The following CNTN5 variants were observed in gnomAD, a reference collection of about 807,000 sequenced individuals.
CNTN5 encodes the protein contactin-5.
In CNTN5, 77 loss-of-function variants were observed where a neutral mutation model predicts 129.1. That is an observed-to-expected ratio of 0.60 (90% CI 0.50 to 0.72). The LOEUF (loss-of-function observed/expected upper bound fraction) is 0.72, where lower values mean the gene tolerates loss of function less well. CNTN5 is among the 30% of genes least tolerant of loss of function. The probability of loss-of-function intolerance (pLI) is 0.00; values close to 1 mark genes in which losing one functional copy is unlikely to be tolerated. For synonymous variants in CNTN5, 509 were observed against 465.6 expected (o/e 1.09, Z -1.20); for missense variants, 1,478 against 1,328.8 (o/e 1.11, Z -1.75).
intron 3 of CNTN5, among the ~76,000 whole-genome samples, chr11:99,752,536 T>A (rs1041199808): frequency 6.6e-5 from 10 of 152,204 alleles, no homozygotes; most frequent in Admixed American, 5.9e-4. Flanking sequence ...TAAGAAACCA[T>A]AAATGAAGTA....
At chr11:99,498,732 A>C (rs1418745109) in intron 2 of CNTN5, among the ~76,000 whole-genome samples, 1 of 152,170 alleles carries the variant, frequency 6.6e-6, no homozygotes, top group Non-Finnish European at 1.5e-5. Context: ...TTAGGGAAAA[A>C]TGATGCCTCA....
chr11:99,801,960 C>CA (rs1168189353), intron 3 of CNTN5, among the ~76,000 whole-genome samples: 1 of 152,106 alleles, frequency 6.6e-6, no homozygotes, highest in Non-Finnish European at 1.5e-5. Flanking sequence ...TTTATGGTGC[C>CA]AGAATTCTGG....
At chr11:99,784,985 G>A (rs1344989245) in intron 3 of CNTN5, among the ~76,000 whole-genome samples, 1 of 151,754 alleles carries the variant, frequency 6.6e-6, no homozygotes, top group African/African-American at 2.4e-5. Flanking sequence ...ATTTTTAGTA[G>A]AGACAGGGTT....
intron 1 of CNTN5, among the ~76,000 whole-genome samples, chr11:99,280,163 A>T (rs554599877): frequency 8.1e-4 from 123 of 151,882 alleles, no homozygotes; most frequent in Middle Eastern, 3.4e-3. Context: ...CTGAACACTG[A>T]CAATATAAAT....
At chr11:99,930,711 T>C (rs1591438867) in intron 7 of CNTN5, among the ~76,000 whole-genome samples, 2 of 152,172 alleles carry the variant, frequency 1.3e-5, no homozygotes, top group African/African-American at 4.8e-5. Context: ...TTGATTGACT[T>C]AACTAAATTG....
chr11:99,865,282 C>T (rs899095565), intron 6 of CNTN5, among the ~76,000 whole-genome samples: 12 of 151,870 alleles, frequency 7.9e-5, no homozygotes, highest in South Asian at 4.1e-4. Context: ...AAGTTTGGGA[C>T]GAGATCTTTG....
At chr11:99,386,404 C>T (rs117308369) in intron 2 of CNTN5, among the ~76,000 whole-genome samples, 5,723 of 152,284 alleles carry the variant, frequency 0.038, 143 homozygotes, top group Non-Finnish European at 0.06. Flanking sequence ...ATATGCTAAA[C>T]AAGGAGTGGA....
intron 2 of CNTN5, among the ~76,000 whole-genome samples, chr11:99,484,773 A>G (rs1351967012): frequency 6.6e-6 from 1 of 152,196 alleles, no homozygotes; most frequent in Non-Finnish European, 1.5e-5. Context: ...TGAAGAAATA[A>G]GCCTGGAACA....
At chr11:100,150,870 G>T (rs1480578390) in intron 13 of CNTN5, among the ~76,000 whole-genome samples, 1 of 152,084 alleles carries the variant, frequency 6.6e-6, no homozygotes, top group Non-Finnish European at 1.5e-5. Context: ...TGGAAGCAGG[G>T]TCTTTGGGAG....
intron 23 of CNTN5, among the ~76,000 whole-genome samples, chr11:100,348,735 T>C (rs1952340008): frequency 6.6e-6 from 1 of 152,028 alleles, no homozygotes; most frequent in African/African-American, 2.4e-5. Context: ...TTTGTCACAT[T>C]TTAAGACAAA....
chr11:99,788,420 A>G lies in CNTN5; in HGVS notation c.56-31124A>G, dbSNP rs536154795. On this transcript the variant is annotated intron_variant, in intron 3 of 24. Coordinates refer to ENST00000524871, the MANE Select transcript of CNTN5 (RefSeq NM_014361.4). ...TCAAAGACAGGACTTATTTCGGTAT[A>G]TAAATTTTTGTATACCTATAGAAAC... Among the ~76,000 whole-genome samples, 9 of 152,114 alleles carry G rather than the reference A, an allele frequency of 5.9e-5. No homozygotes were observed. In the East Asian group the frequency reaches 1.2e-3, roughly 20 times the overall value.
At chr11:100,129,921 TG>T (rs908330288) in intron 13 of CNTN5, among the ~76,000 whole-genome samples, 11 of 151,926 alleles carry the variant, frequency 7.2e-5, no homozygotes, top group Admixed American at 6.6e-4. Context: ...TCATTAGTCG[TG>T]GTAAAAAAAA....
At chr11:99,336,445 C>G (rs565741672) in intron 2 of CNTN5, among the ~76,000 whole-genome samples, 16 of 152,032 alleles carry the variant, frequency 1.1e-4, no homozygotes, top group South Asian at 6.2e-4. Flanking sequence ...GTGTAATTCA[C>G]AGTAATAGTA....
intron 7 of CNTN5, among the ~76,000 whole-genome samples, chr11:99,951,851 A>T (rs1950684933): frequency 6.6e-6 from 1 of 152,208 alleles, no homozygotes; most frequent in African/African-American, 2.4e-5. Flanking sequence ...AATGAAGTTT[A>T]ATATGTGAAA....
At chr11:100,023,424 C>T (rs1941265095) in intron 9 of CNTN5, among the ~76,000 whole-genome samples, 1 of 152,018 alleles carries the variant, frequency 6.6e-6, no homozygotes, top group Admixed American at 6.6e-5. Context: ...CCTGTCTGCC[C>T]CTACACATTC....
At chr11:99,480,068 A>G (rs1272099434) in intron 2 of CNTN5, among the ~76,000 whole-genome samples, 1 of 152,192 alleles carries the variant, frequency 6.6e-6, no homozygotes, top group Non-Finnish European at 1.5e-5. Flanking sequence ...GGTTGTTGCT[A>G]TTCAACTTTA....
intron 9 of CNTN5, among the ~76,000 whole-genome samples, chr11:100,045,296 C>A (rs2137704281): frequency 6.6e-6 from 1 of 152,072 alleles, no homozygotes; most frequent in South Asian, 2.1e-4. Flanking sequence ...GGTAAATGGA[C>A]AATAGTAATT....
rs919115700 is a variant in CNTN5 at position 99,287,679 on chromosome 11, C to T, written c.-209-37667C>T. 7.9e-5 allele frequency among the ~76,000 whole-genome samples: 12 copies of T among 151,784 alleles called. 1 individual carries two copies. The highest frequency in any genetic ancestry group is 1.3e-4 in the Admixed American group (2 of 15,214). ...CATCATAGTGAATAGATAATATTGT[C>T]GTGTGTTTCTCTGTTATGCATACGA... On this transcript the variant is annotated intron_variant, in intron 1 of 24. Coordinates refer to ENST00000524871, the MANE Select transcript of CNTN5 (RefSeq NM_014361.4).
chr11:99,859,523 T>G (rs61251942), intron 6 of CNTN5, among the ~76,000 whole-genome samples: 5,803 of 152,204 alleles, frequency 0.038, 186 homozygotes, highest in East Asian at 0.15. Flanking sequence ...ACTTAATAGT[T>G]TCTAGTTTCT....
Sources: allele counts gnomAD v4.1 joint callset (sites outside exome capture counted in the v4.1 genomes callset), GRCh38; gene constraint gnomAD v4.1.1; transcripts MANE v1.5; gene names NCBI Gene and HGNC (gene_info 2026-07-23, HGNC 2026-07-21).